The following GRID2 variants were observed in gnomAD, a reference collection of about 807,000 sequenced individuals.
GRID2 encodes glutamate receptor ionotropic, delta-2.
Under a neutral mutation model 114.8 loss-of-function variants are expected in GRID2, and 33 were observed. The ratio of observed to expected loss-of-function variants is 0.29; its 90% CI spans 0.22 to 0.38. GRID2 has a LOEUF of 0.38. Among genes scored for constraint, GRID2 ranks in the 10% least tolerant of loss-of-function variants. The pLI is 1.00. For missense variants in GRID2, 1,184 were observed against 1,257.7 expected, an observed-to-expected ratio of 0.94 and a Z score of 0.89; for synonymous variants, 505 against 449.9, an observed-to-expected ratio of 1.12 and a Z score of -1.55.
At chr4:92,943,495 G>T (rs997703421) in intron 2 of GRID2, among the ~76,000 whole-genome samples, 1 of 151,936 alleles carries the variant, frequency 6.6e-6, no homozygotes, top group East Asian at 1.9e-4. Flanking sequence ...TTTTTTTCAA[G>T]GTTTTTAACT....
downstream of GRID2, among the ~76,000 whole-genome samples, chr4:93,776,790 A>G (rs1734378647): frequency 6.6e-6 from 1 of 152,224 alleles, no homozygotes; most frequent in South Asian, 2.1e-4. Context: ...CCTATAAGCC[A>G]CAGAAAATTA....
chr4:92,801,987 GT>G (rs886856979), intron 2 of GRID2, among the ~76,000 whole-genome samples: 5 of 151,260 alleles, frequency 3.3e-5, no homozygotes, highest in African/African-American at 1.2e-4. Flanking sequence ...ATACCACATT[GT>G]TTTTTTTAAA....
intron 2 of GRID2, among the ~76,000 whole-genome samples, chr4:92,878,571 C>A (rs956111984): frequency 6.6e-6 from 1 of 152,090 alleles, no homozygotes; most frequent in African/African-American, 2.4e-5. Flanking sequence ...GTAGGATATA[C>A]CGCTTGTTTA....
intron 2 of GRID2, among the ~76,000 whole-genome samples, chr4:92,871,667 G>C (rs554465476): frequency 6.6e-6 from 1 of 151,990 alleles, no homozygotes; most frequent in Non-Finnish European, 1.5e-5. Context: ...CTCCACTTTC[G>C]AAACCGGCAA....
At position 92,652,229 on chromosome 4, in the gene GRID2, C is replaced by A. The variant is rs1731968903; in HGVS notation, c.244+61943C>A. ...TGATGCCTGCCCACACTGGTGAGGG[C>A]AGATCTTCTTTACTCGGTCTACTGA... is the stretch of plus-strand genomic sequence containing the variant. On this transcript the variant is annotated intron_variant, in intron 2 of 15. Transcript: ENST00000282020. Among the ~76,000 whole-genome samples the A allele has an allele frequency of 2.0e-5, 3 of 152,122 alleles. No homozygotes were observed. The South Asian group carries it at 6.2e-4, about 32-fold the overall frequency.
intron 2 of GRID2, among the ~76,000 whole-genome samples, chr4:92,785,844 A>C (rs966838479): frequency 6.6e-6 from 1 of 151,838 alleles, no homozygotes; most frequent in Non-Finnish European, 1.5e-5. Context: ...TTTAAAAAAA[A>C]CTTTTTTTAA....
chr4:92,865,184 C>G (rs184876547), intron 2 of GRID2, among the ~76,000 whole-genome samples: 2 of 152,068 alleles, frequency 1.3e-5, no homozygotes, highest in Non-Finnish European at 2.9e-5. Flanking sequence ...CCTAGAGCAC[C>G]AATTGTTTAT....
chr4:92,701,003 A>AACAAACAAC (rs371267416), intron 2 of GRID2, among the ~76,000 whole-genome samples: 16 of 151,968 alleles, frequency 1.1e-4, no homozygotes, highest in African/African-American at 3.6e-4. Context: ...CAAAAAAAAA[A>AACAAACAAC]AAAAAAAGAC....
At chr4:93,408,557 T>G (rs1471326168) in intron 9 of GRID2, among the ~76,000 whole-genome samples, 1 of 152,180 alleles carries the variant, frequency 6.6e-6, no homozygotes, top group Admixed American at 6.5e-5. Context: ...TCCGTTTAAT[T>G]TTTTATATAT....
chr4:92,309,573 G>GA lies in GRID2; in HGVS notation c.88+4836dup, dbSNP rs552714252. On this transcript the variant is annotated intron_variant, in intron 1 of 15. Coordinates refer to ENST00000282020, the MANE Select transcript of GRID2 (RefSeq NM_001510.4). ...ACATGAAATATTTTTAAAAATCTCA[G>GA]AAAAAAATGTCATTTTAATGAGGTT... Among the ~76,000 whole-genome samples the GA allele has an allele frequency of 1.3e-4, 19 of 151,024 alleles. No individual in the cohort carries two copies. In the East Asian group the frequency reaches 2.7e-3, roughly 22 times the overall value.
rs35638036 is a variant in GRID2, at chr4:92,408,431, CTTTTTTTTTTTTTTTTTTT to C, written c.88+103701_88+103719del. 7.7e-4 allele frequency among the ~76,000 whole-genome samples: 15 copies of C among 19,394 alleles called. No individual in the cohort carries two copies. In the Admixed American group the frequency reaches 8.7e-3, roughly 11 times the overall value. The allele number at this position is 19,394 out of a possible 152,430, so 12.7% of individuals were successfully genotyped here. A position where few individuals can be genotyped will look rare whatever the true frequency, so the allele number is the denominator to read the frequency against. On this transcript the variant is annotated intron_variant, in intron 1 of 15. Transcript: ENST00000282020. Reference sequence around the variant, plus strand: ...TACAATTATATTGCCTATTCAAGCTCTTTTTTTTTTTTTTTTTTTTTTTTTTTTTTTTGCTGTTGTTGTT... The same window carrying C: ...TACAATTATATTGCCTATTCAAGCTCTTTTTTTTTTTTTGCTGTTGTTGTT...
intron 14 of GRID2, among the ~76,000 whole-genome samples, chr4:93,632,329 C>T (rs936251740): frequency 6.6e-6 from 1 of 152,122 alleles, no homozygotes; most frequent in Non-Finnish European, 1.5e-5. Flanking sequence ...AGGTTTTCTT[C>T]TAGGGTTTTT....
At chr4:93,175,625 A>G (rs1398984724) in intron 4 of GRID2, among the ~76,000 whole-genome samples, 2 of 152,150 alleles carry the variant, frequency 1.3e-5, no homozygotes, top group East Asian at 1.9e-4. Flanking sequence ...AAGCCAAAAC[A>G]TTTTTACTCC....
chr4:93,673,306 G>A (rs1331374187), intron 14 of GRID2, among the ~76,000 whole-genome samples: 1 of 152,074 alleles, frequency 6.6e-6, no homozygotes, highest in African/African-American at 2.4e-5. Flanking sequence ...AAAATCTACT[G>A]TAAACATTTT....
chr4:92,646,607 A>G (rs897389931), intron 2 of GRID2, among the ~76,000 whole-genome samples: 20 of 152,234 alleles, frequency 1.3e-4, no homozygotes, highest in South Asian at 6.2e-4. Flanking sequence ...TTTTTTGTCT[A>G]TGATGACTGC....
intron 1 of GRID2, among the ~76,000 whole-genome samples, chr4:93,782,935 C>T (rs1397158445): frequency 6.6e-6 from 1 of 151,286 alleles, no homozygotes; most frequent in Non-Finnish European, 1.5e-5. Flanking sequence ...ACTAATCTAT[C>T]TTATAAAAGA....
intron 1 of GRID2, among the ~76,000 whole-genome samples, chr4:92,335,106 T>C (rs979099336): frequency 1.3e-5 from 2 of 152,234 alleles, no homozygotes; most frequent in Non-Finnish European, 2.9e-5. Flanking sequence ...AGGGTCACAT[T>C]CCTTGTGGCT....
At chr4:92,643,497 A>G (rs1731461195) in intron 2 of GRID2, among the ~76,000 whole-genome samples, 3 of 151,870 alleles carry the variant, frequency 2.0e-5, no homozygotes, top group Admixed American at 2.0e-4. Context: ...TCAGAATATA[A>G]AATAAATGTA....
intron 13 of GRID2, among the ~76,000 whole-genome samples, chr4:93,518,739 A>G (rs1289758253): frequency 6.6e-6 from 1 of 152,082 alleles, no homozygotes; most frequent in Non-Finnish European, 1.5e-5. Context: ...AGAAAATAAC[A>G]TTTGAATACA....
Sources: gnomAD v4.1 joint callset for allele counts (sites outside exome capture counted in the v4.1 genomes callset) on GRCh38, gnomAD v4.1.1 for gene constraint, MANE v1.5 for transcripts, NCBI Gene and HGNC (gene_info 2026-07-23, HGNC 2026-07-21) for gene names.